Variants in FARP1 observed in about 807,000 individuals in gnomAD.
FARP1 encodes FERM, ARHGEF and pleckstrin domain-containing protein 1.
Under a neutral mutation model 128.8 loss-of-function variants are expected in FARP1, and 52 were observed. The ratio of observed to expected loss-of-function variants is 0.40; its 90% CI spans 0.32 to 0.51. The LOEUF (loss-of-function observed/expected upper bound fraction) is 0.51, where lower values mean the gene tolerates loss of function less well. FARP1 is among the 20% of genes least tolerant of loss of function. FARP1 has a pLI of 0.45. For missense variants in FARP1, 1,333 were observed against 1,367.9 expected (o/e 0.97, Z 0.40); for synonymous variants, 580 against 551.8 (o/e 1.05, Z -0.72).
chr13:98,347,761 T>G (rs531041838), intron 3 of FARP1, among the ~76,000 whole-genome samples: 1 of 152,300 alleles, frequency 6.6e-6, no homozygotes, highest in South Asian at 2.1e-4. Context: ...CTGCCAGTCT[T>G]CATTTGGGAG....
chr13:98,216,081 A>G (rs1881046229), intron 2 of FARP1, among the ~76,000 whole-genome samples: 1 of 152,230 alleles, frequency 6.6e-6, no homozygotes, highest in Admixed American at 6.5e-5. Context: ...GAGCCATCAC[A>G]CCTGGCCATA....
chr13:98,298,958 A>G (rs551516557), intron 2 of FARP1, among the ~76,000 whole-genome samples: 2 of 152,326 alleles, frequency 1.3e-5, no homozygotes, highest in South Asian at 4.1e-4. Flanking sequence ...GCAAGTTTTA[A>G]GTGGAGGGGC....
intron 2 of FARP1, among the ~76,000 whole-genome samples, chr13:98,224,526 C>CAAAAAAAAAAAAAAAAA: frequency 2.0e-5 from 1 of 50,272 alleles, no homozygotes; most frequent in Non-Finnish European, 4.7e-5. Flanking sequence ...GACTCTGTCT[C>CAAAAAAAAAAAAAAAAA]AAAAAAAAAA....
intron 1 of FARP1, among the ~76,000 whole-genome samples, chr13:98,163,906 A>G (rs1877060997): frequency 6.7e-6 from 1 of 150,022 alleles, no homozygotes; most frequent in East Asian, 1.9e-4. Context: ...ACGAGGTTTC[A>G]CCATGTTGGC....
At chr13:98,318,649 T>G (rs577312201) in intron 2 of FARP1, among the ~76,000 whole-genome samples, 90 of 152,296 alleles carry the variant, frequency 5.9e-4, no homozygotes, top group African/African-American at 2.1e-3. Context: ...CTTTCTCCAT[T>G]TGACCTTGCA....
At chr13:98,249,792 G>A (rs1453044044) in intron 2 of FARP1, among the ~76,000 whole-genome samples, 5 of 152,044 alleles carry the variant, frequency 3.3e-5, no homozygotes, top group Admixed American at 6.6e-5. Flanking sequence ...AGGCCATACC[G>A]TTTCTTAGTG....
At chr13:98,411,754 C>T (rs1446516648) in intron 15 of FARP1, 147 bp from the exon 16 acceptor site, 2 of 776,132 alleles carry the variant, frequency 2.6e-6, no homozygotes, top group East Asian at 5.0e-5. Context: ...AAGGCCCGGG[C>T]AGCCCCGTGT....
intron 2 of FARP1, among the ~76,000 whole-genome samples, chr13:98,248,740 G>T (rs1434272432): frequency 1.3e-5 from 2 of 151,968 alleles, no homozygotes; most frequent in African/African-American, 2.4e-5. Context: ...CTGCCTTCTT[G>T]TCTCAGCTCT....
rs376511948 is a variant in FARP1 at position 98,213,401 on chromosome 13, A to C, written c.159A>C (p.Ala53=). 5.6e-6 allele frequency: 9 copies of C among 1,613,684 alleles called. No individual in the cohort carries two copies. The highest frequency in any genetic ancestry group is 5.9e-6 in the Non-Finnish European group (7 of 1,179,954). The change falls in exon 2 of 27, where the codon GCA becomes GCC. Residue 53 remains alanine (A), a synonymous_variant. Coordinates refer to ENST00000319562, the MANE Select transcript of FARP1 (RefSeq NM_005766.4). The stretch of plus-strand genomic sequence containing the variant: ...AGATGCTGGATGACACCCAGGAGGC[A>C]TTTGAAGTTCCAGTAAGTTGGGGGC... ...KIQMLDDTQE[A]FEVPQRAPGK...
chr13:98,341,768 A>G (rs1408384421), intron 2 of FARP1, among the ~76,000 whole-genome samples: 4 of 152,270 alleles, frequency 2.6e-5, no homozygotes, highest in Non-Finnish European at 5.9e-5. Context: ...GGGAATGTAC[A>G]TAGTGAAAAG....
chr13:98,300,797 C>T (rs993460849), intron 2 of FARP1, among the ~76,000 whole-genome samples: 3 of 152,348 alleles, frequency 2.0e-5, no homozygotes, highest in Non-Finnish European at 2.9e-5. Context: ...AAATAGACTT[C>T]TCCAAAAATG....
intron 2 of FARP1, among the ~76,000 whole-genome samples, chr13:98,319,448 G>T (rs1371883853): frequency 6.6e-6 from 1 of 152,080 alleles, no homozygotes; most frequent in Admixed American, 6.5e-5. Flanking sequence ...GTGAAACCCC[G>T]TCTCTATTAA....
At chr13:98,443,360 C>T (rs1892608120) in intron 24 of FARP1, among the ~76,000 whole-genome samples, 1 of 152,192 alleles carries the variant, frequency 6.6e-6, no homozygotes, top group Non-Finnish European at 1.5e-5. Context: ...TCCCTCCTTG[C>T]CAGAAAGCCC....
Position 98,270,116 on chromosome 13 carries a change from A to G in FARP1, c.171+56703A>G, listed in dbSNP as rs148165059. ...GGTAATTTTATAGAAGGAGAAATGC[A>G]GTACATAAAATTGGCTTTATGTTTA... On this transcript the variant is annotated intron_variant, in intron 2 of 26. Coordinates refer to ENST00000319562, the MANE Select transcript of FARP1 (RefSeq NM_005766.4). 1.2e-3 allele frequency among the ~76,000 whole-genome samples: 180 copies of G among 152,376 alleles called. 2 individuals are homozygous for G. The East Asian group carries it at 0.033, about 28-fold the overall frequency.
At chr13:98,353,851 TG>T (rs1221018592) in intron 3 of FARP1, among the ~76,000 whole-genome samples, 1 of 151,016 alleles carries the variant, frequency 6.6e-6, no homozygotes, top group African/African-American at 2.4e-5. Flanking sequence ...GTAGATCTCA[TG>T]TTAACTCTTC....
intron 1 of FARP1, among the ~76,000 whole-genome samples, chr13:98,150,092 G>C (rs556087644): frequency 6.6e-6 from 1 of 151,658 alleles, no homozygotes; most frequent in African/African-American, 2.4e-5. Flanking sequence ...GACTGGAGTT[G>C]CAGTGACACA....
At position 98,448,540 on chromosome 13, in the gene FARP1, C is replaced by G. The variant is rs1408940662; in HGVS notation, c.*223C>G. 1 of 555,064 alleles carries G rather than the reference C, an allele frequency of 1.8e-6. No homozygotes were observed. The highest frequency in any genetic ancestry group is 3.2e-6 in the Non-Finnish European group (1 of 311,338). 34.4% of individuals were successfully genotyped at this position (555,064 alleles called of 1,614,324 possible). On this transcript the variant is annotated 3_prime_UTR_variant, in exon 27 of 27. Coordinates refer to ENST00000319562, the MANE Select transcript of FARP1 (RefSeq NM_005766.4). Reference sequence around the variant, plus strand: ...CCTGGCATCCGCTGGGGGCGCTGTTCTTTAGCTAGTGCCAGTATTAAAACA... The same window carrying G: ...CCTGGCATCCGCTGGGGGCGCTGTTGTTTAGCTAGTGCCAGTATTAAAACA...
chr13:98,433,830 C>A (rs1372775824), intron 18 of FARP1: 2 of 152,454 alleles, frequency 1.3e-5, no homozygotes, highest in African/African-American at 4.8e-5. Context: ...GTCCTTTAAG[C>A]CTCAGCTTGT....
At chr13:98,401,158 T>A (rs1402797249) in intron 13 of FARP1, 1 of 152,178 alleles carries the variant, frequency 6.6e-6, no homozygotes, top group Non-Finnish European at 1.5e-5. Context: ...TACGATTGAA[T>A]GAACTTCTGT....
Sources: gnomAD v4.1 joint callset for allele counts (sites outside exome capture counted in the v4.1 genomes callset) on GRCh38, gnomAD v4.1.1 for gene constraint, MANE v1.5 for transcripts, NCBI Gene and HGNC (gene_info 2026-07-23, HGNC 2026-07-21) for gene names.